Variants in NCAM1 observed in about 807,000 individuals in gnomAD.
NCAM1 encodes neural cell adhesion molecule 1, also known as antigen recognized by monoclonal antibody 5.1H11.
NCAM1 carries 14 observed loss-of-function variants against 109.8 expected under a neutral mutation model. The observed-to-expected ratio is 0.13, with a 90% confidence interval of 0.08 to 0.20. NCAM1 has a LOEUF of 0.20. Among genes scored for constraint, NCAM1 ranks in the 10% least tolerant of loss-of-function variants. NCAM1 has a pLI of 1.00. For synonymous variants in NCAM1, 418 were observed against 442.9 expected (o/e 0.94, Z 0.70); for missense variants, 774 against 1,109.9 (o/e 0.70, Z 4.30).
chr11:113,184,722 C>G (rs1451040736), intron 1 of NCAM1, among the ~76,000 whole-genome samples: 1 of 152,078 alleles, frequency 6.6e-6, no homozygotes, highest in African/African-American at 2.4e-5. Context: ...TCAGGCCGAC[C>G]TGCTTAGCAA....
At chr11:113,203,986 T>C (rs575701505) in intron 2 of NCAM1, among the ~76,000 whole-genome samples, 3 of 152,232 alleles carry the variant, frequency 2.0e-5, no homozygotes, top group African/African-American at 4.8e-5. Flanking sequence ...GCACACAGTA[T>C]GTTCTCAACA....
chr11:113,010,817 A>G (rs1952027504), intron 1 of NCAM1, among the ~76,000 whole-genome samples: 1 of 152,212 alleles, frequency 6.6e-6, no homozygotes, highest in Admixed American at 6.5e-5. Context: ...ACATGACAAT[A>G]AAGTCAGGTT....
rs1944472432 is a variant in NCAM1, at chr11:113,214,516, C to G, written c.1059+5C>G. On this transcript the variant is annotated splice_donor_5th_base_variant and intron_variant, in intron 8 of 19. Transcript: ENST00000316851. ...AACATCAGCAGCGAAGAAAAGGTAT[C>G]ATGCTCCCCAGGAGTTTCAGGGCCT... 1 of 1,599,456 alleles carries G rather than the reference C, an allele frequency of 6.3e-7. No individual in the cohort carries two copies. Among genetic ancestry groups the G allele is most frequent in the Admixed American group, 1.7e-5 (1 of 57,490 alleles).
At chr11:113,063,236 C>G (rs1565413601) in intron 1 of NCAM1, among the ~76,000 whole-genome samples, 1 of 152,170 alleles carries the variant, frequency 6.6e-6, no homozygotes, top group Non-Finnish European at 1.5e-5. Context: ...AATGGCTGTT[C>G]CAGTGGTTTG....
Position 113,155,029 on chromosome 11 carries a change from AGGAAATGAAGT to A in NCAM1, c.53-47347_53-47337del, listed in dbSNP as rs1245238062. On this transcript the variant is annotated intron_variant, in intron 1 of 19. Coordinates refer to ENST00000316851, the MANE Select transcript of NCAM1 (RefSeq NM_181351.5). Reference sequence around the variant, plus strand: ...TGAGAGAGCAAAGGATGCTCAGTACAGGAAATGAAGTGGTGGACTACAGGGTTTGAGTGCAT... The same window carrying A: ...TGAGAGAGCAAAGGATGCTCAGTACAGGTGGACTACAGGGTTTGAGTGCAT... Among the ~76,000 whole-genome samples, 5 of 152,318 alleles carry A rather than the reference AGGAAATGAAGT, an allele frequency of 3.3e-5. No homozygotes were observed. In the East Asian group the frequency reaches 9.6e-4, roughly 29 times the overall value.
intron 17 of NCAM1, among the ~76,000 whole-genome samples, chr11:113,262,122 C>A (rs1426188265): frequency 6.6e-6 from 1 of 152,170 alleles, no homozygotes; most frequent in East Asian, 1.9e-4. Context: ...AGAATAAAAC[C>A]TCTCTGAATT....
In NCAM1 at chr11:113,038,966, G is replaced by A. The variant is rs997044120; in HGVS notation, c.52+77302G>A. Among the ~76,000 whole-genome samples, 5 of 152,234 alleles carry A rather than the reference G, an allele frequency of 3.3e-5. No individual in the cohort carries two copies. In the South Asian group the frequency reaches 6.2e-4, roughly 19 times the overall value. The stretch of plus-strand genomic sequence containing the variant: ...GGATATGATGAAATGAATAGACATC[G>A]CCAGGGCTGCAGACTTCTCTTCACG... On this transcript the variant is annotated intron_variant, in intron 1 of 19. Coordinates refer to ENST00000316851, the MANE Select transcript of NCAM1 (RefSeq NM_181351.5).
rs1301726132 is a variant in NCAM1 at position 113,277,928 on chromosome 11, T to C, written c.*2541T>C. ...GGAGTCATTTTATTCCAAGATGTTT[T>C]ATCTTTTATGTTAAGAGATCAAAGC... On this transcript the variant is annotated 3_prime_UTR_variant, in exon 20 of 20. Transcript: ENST00000316851. 4 of 151,796 alleles carry C rather than the reference T, an allele frequency of 2.6e-5. No individual in the cohort carries two copies. Among genetic ancestry groups the C allele is most frequent in the African/African-American group, 7.3e-5 (3 of 41,210 alleles). The allele number at this position is 151,796 out of a possible 1,614,324, so 9.4% of individuals were successfully genotyped here. A position where few individuals can be genotyped will look rare whatever the true frequency, so the allele number is the denominator to read the frequency against.
intron 17 of NCAM1, among the ~76,000 whole-genome samples, chr11:113,267,348 A>C (rs1555124529): frequency 6.6e-6 from 1 of 152,090 alleles, no homozygotes; most frequent in Non-Finnish European, 1.5e-5. Context: ...ATAAGCATGT[A>C]AATGAACAGA....
intron 1 of NCAM1, among the ~76,000 whole-genome samples, chr11:112,964,403 G>T (rs1328515397): frequency 6.6e-6 from 1 of 151,982 alleles, no homozygotes; most frequent in Admixed American, 6.6e-5. Context: ...AGAATTGTTC[G>T]CTTGAACGAT....
intron 1 of NCAM1, among the ~76,000 whole-genome samples, chr11:113,045,655 C>G (rs1334351233): frequency 6.6e-6 from 1 of 152,098 alleles, no homozygotes; most frequent in Non-Finnish European, 1.5e-5. Context: ...GATAATATAT[C>G]GCAAATGAAT....
intron 1 of NCAM1, among the ~76,000 whole-genome samples, chr11:113,137,525 T>C (rs1440591164): frequency 6.6e-6 from 1 of 152,248 alleles, no homozygotes; most frequent in East Asian, 1.9e-4. Flanking sequence ...ACATTGTGAT[T>C]GTATCTAAAA....
At chr11:113,189,993 A>G (rs1420237459) in intron 1 of NCAM1, among the ~76,000 whole-genome samples, 2 of 152,106 alleles carry the variant, frequency 1.3e-5, no homozygotes, top group Non-Finnish European at 2.9e-5. Context: ...AGACAGGAGC[A>G]TAATTAGCAC....
chr11:112,984,927 C>T (rs1951255641), intron 1 of NCAM1, among the ~76,000 whole-genome samples: 1 of 145,816 alleles, frequency 6.9e-6, no homozygotes, highest in Admixed American at 7.0e-5. Context: ...TTTATTTTTG[C>T]TTTTGTTGCC....
chr11:113,101,919 C>T (rs1939894318), intron 1 of NCAM1, among the ~76,000 whole-genome samples: 2 of 152,102 alleles, frequency 1.3e-5, no homozygotes, highest in South Asian at 4.1e-4. Flanking sequence ...CATGGTATTT[C>T]TTCTTTGTTT....
chr11:113,161,888 A>C (rs1942611602), intron 1 of NCAM1, among the ~76,000 whole-genome samples: 1 of 152,144 alleles, frequency 6.6e-6, no homozygotes, highest in Non-Finnish European at 1.5e-5. Flanking sequence ...GCCAGGGAGC[A>C]GCTGGTCATT....
chr11:113,229,687 T>C (rs1330656792), intron 9 of NCAM1, among the ~76,000 whole-genome samples: 2 of 152,206 alleles, frequency 1.3e-5, no homozygotes, highest in Admixed American at 6.5e-5. Context: ...CCAACCCAAA[T>C]GTCCATCAAT....
chr11:113,272,874 C>G (rs1946312558), intron 19 of NCAM1: 1 of 455,684 alleles, frequency 2.2e-6, no homozygotes. Context: ...CTCCTCCTCG[C>G]TTCTCTGTCA....
intron 16 of NCAM1, among the ~76,000 whole-genome samples, chr11:113,256,555 C>T (rs1555122369): frequency 1.3e-5 from 2 of 152,154 alleles, no homozygotes; most frequent in Non-Finnish European, 2.9e-5. Flanking sequence ...CTGGGCTCTC[C>T]CCACTGCCCA....
Sources: allele counts gnomAD v4.1 joint callset (sites outside exome capture counted in the v4.1 genomes callset), GRCh38; gene constraint gnomAD v4.1.1; transcripts MANE v1.5; gene names NCBI Gene and HGNC (gene_info 2026-07-23, HGNC 2026-07-21).